Variants in PCDHGA1 observed in about 807,000 individuals in gnomAD.
The protein encoded by PCDHGA1 is protocadherin gamma subfamily A, 1.
A neutral mutation model predicts 58.0 loss-of-function variants in PCDHGA1; 32 were observed. The ratio of observed to expected loss-of-function variants is 0.55; its 90% CI spans 0.42 to 0.74. PCDHGA1 has a LOEUF of 0.74. PCDHGA1 is among the 30% of genes least tolerant of loss of function. The pLI is 0.00. For missense variants in PCDHGA1, 1,205 were observed against 1,182.3 expected (o/e 1.02, Z -0.28); for synonymous variants, 498 against 501.1 (o/e 0.99, Z 0.08).
rs775775135 is a variant in PCDHGA1 at position 141,400,234 on chromosome 5, G to GTTGCCTTGCGCCTCC, written c.2421+67130_2421+67131insTGCCTTGCGCCTCCT. The GTTGCCTTGCGCCTCC allele has an allele frequency of 3.1e-6, 5 of 1,613,868 alleles. No homozygotes were observed. In the East Asian group the frequency reaches 1.1e-4, roughly 36 times the overall value. On this transcript the variant is annotated intron_variant, in intron 1 of 3. Transcript: ENST00000517417. ...GATCTCAGTGCTCTTCCTCCTGGCC[G>GTTGCCTTGCGCCTCC]TGATTCTGGCCGTTGCCTTGCGCCT...
At chr5:141,504,384 C>G (rs2099837898) in intron 2 of PCDHGA1, among the ~76,000 whole-genome samples, 1 of 152,026 alleles carries the variant, frequency 6.6e-6, no homozygotes, top group South Asian at 2.1e-4. Flanking sequence ...GAGTCGCTGC[C>G]TCACAGAAGC....
chr5:141,460,511 AT>A (rs937107682), intron 1 of PCDHGA1, among the ~76,000 whole-genome samples: 2 of 152,168 alleles, frequency 1.3e-5, no homozygotes, highest in African/African-American at 4.8e-5. Flanking sequence ...TGAGAAGGCT[AT>A]CTTTTCCCCA....
intron 1 of PCDHGA1, among the ~76,000 whole-genome samples, chr5:141,368,352 C>CAT (rs965270733): frequency 4.6e-5 from 7 of 152,124 alleles, no homozygotes; most frequent in East Asian, 1.9e-4. Flanking sequence ...TATACACACA[C>CAT]ATATATATAC....
intron 1 of PCDHGA1, chr5:141,364,297 C>A: frequency 6.6e-7 from 1 of 1,520,028 alleles, no homozygotes; most frequent in Non-Finnish European, 8.8e-7. Context: ...CAGGCTGAAC[C>A]AGAACTAAGA....
chr5:141,350,137 G>A, intron 1 of PCDHGA1: 1 of 770,114 alleles, frequency 1.3e-6, no homozygotes. Flanking sequence ...CACAGACGCT[G>A]CTCCTGTTCA....
chr5:141,375,403 A>G, intron 1 of PCDHGA1: 2 of 1,613,908 alleles, frequency 1.2e-6, no homozygotes, highest in Non-Finnish European at 1.7e-6. Flanking sequence ...TCATCTCTCT[A>G]AATGTGGCAG....
At chr5:141,500,667 TC>T (rs1032555959) in intron 2 of PCDHGA1, among the ~76,000 whole-genome samples, 26 of 152,194 alleles carry the variant, frequency 1.7e-4, no homozygotes, top group African/African-American at 6.0e-4. Flanking sequence ...GGCCATACTG[TC>T]CAACAGAATT....
At chr5:141,456,504 T>G (rs781368588) in intron 1 of PCDHGA1, among the ~76,000 whole-genome samples, 1 of 152,148 alleles carries the variant, frequency 6.6e-6, no homozygotes, top group Non-Finnish European at 1.5e-5. Context: ...GGTTAACCAA[T>G]TCCATAAAGA....
intron 1 of PCDHGA1, chr5:141,394,201 A>G (rs764975219): frequency 2.5e-6 from 4 of 1,613,874 alleles, no homozygotes; most frequent in Admixed American, 1.7e-5. Context: ...TATATCCTAG[A>G]GAACAACCTG....
chr5:141,475,527 C>G (rs1462406655), intron 1 of PCDHGA1, among the ~76,000 whole-genome samples: 2 of 152,172 alleles, frequency 1.3e-5, no homozygotes, highest in African/African-American at 2.4e-5. Context: ...ATGCTAAATG[C>G]CTCCTTACAA....
intron 1 of PCDHGA1, chr5:141,393,562 A>C: frequency 6.2e-7 from 1 of 1,613,964 alleles, no homozygotes; most frequent in Non-Finnish European, 8.5e-7. Context: ...TACCGAGTGA[A>C]AGTCCTTGAG....
chr5:141,403,809 A>C (rs1242181843), intron 1 of PCDHGA1: 1 of 1,613,904 alleles, frequency 6.2e-7, no homozygotes, highest in South Asian at 1.1e-5. Flanking sequence ...AAAATTAATG[A>C]AAAACAATCT....
intron 1 of PCDHGA1, chr5:141,366,049 G>A (rs542025009): frequency 1.9e-6 from 3 of 1,614,244 alleles, no homozygotes; most frequent in Non-Finnish European, 8.5e-7. Flanking sequence ...ACGGTTCCAC[G>A]GGCGTGGAGC....
chr5:141,494,173 G>C (rs554811420), intron 1 of PCDHGA1, among the ~76,000 whole-genome samples: 2 of 152,304 alleles, frequency 1.3e-5, no homozygotes, highest in South Asian at 2.1e-4. Flanking sequence ...CTAGGGGTGA[G>C]AAGTGTCCCG....
chr5:141,469,595 CAAAAT>C (rs919167679), intron 1 of PCDHGA1, among the ~76,000 whole-genome samples: 3 of 151,998 alleles, frequency 2.0e-5, no homozygotes, highest in Admixed American at 6.6e-5. Context: ...ATAAATAAAA[CAAAAT>C]AAGTAAAATA....
intron 1 of PCDHGA1, chr5:141,354,966 C>T: frequency 2.0e-6 from 1 of 512,280 alleles, no homozygotes; most frequent in Non-Finnish European, 3.3e-6. Flanking sequence ...CAGGTTAAGA[C>T]TCTGGGTGTC....
At chr5:141,402,999 T>TATG in intron 1 of PCDHGA1, 1 of 1,613,984 alleles carries the variant, frequency 6.2e-7, no homozygotes, top group Non-Finnish European at 8.5e-7. Context: ...TTAGTCCTGC[T>TATG]ATGCTCGCTC....
At chr5:141,370,504 T>C (rs769995886) in intron 1 of PCDHGA1, 3 of 1,613,950 alleles carry the variant, frequency 1.9e-6, no homozygotes, top group Non-Finnish European at 2.5e-6. Flanking sequence ...CGCTACGCTA[T>C]TCCCGAGGAG....
chr5:141,473,117 C>A (rs976493841), intron 1 of PCDHGA1, among the ~76,000 whole-genome samples: 4 of 152,140 alleles, frequency 2.6e-5, no homozygotes, highest in Admixed American at 1.3e-4. Flanking sequence ...CTTTACTTGG[C>A]TCTTTGGCAA....
Sources: gnomAD v4.1 joint callset for allele counts (sites outside exome capture counted in the v4.1 genomes callset) on GRCh38, gnomAD v4.1.1 for gene constraint, MANE v1.5 for transcripts, NCBI Gene and HGNC (gene_info 2026-07-23, HGNC 2026-07-21) for gene names.